The following QTMAN variants were observed in gnomAD, a reference collection of about 807,000 sequenced individuals.
QTMAN encodes queuosine-tRNA mannosyltransferase.
the QTMAN span, among the ~76,000 whole-genome samples, chr2:144,191,574 G>A: frequency 1.3e-5 from 2 of 152,068 alleles, no homozygotes; most frequent in Non-Finnish European, 2.9e-5. Context: ...AATTTTGATT[G>A]ATATTTCTTA....
the QTMAN span, among the ~76,000 whole-genome samples, chr2:144,192,745 G>T: frequency 3.2e-4 from 48 of 152,192 alleles, no homozygotes; most frequent in Non-Finnish European, 5.3e-4. Flanking sequence ...TTGCACTAAT[G>T]GATGACCAGT....
the QTMAN span, among the ~76,000 whole-genome samples, chr2:143,987,475 C>T: frequency 1.3e-5 from 2 of 152,202 alleles, no homozygotes; most frequent in Admixed American, 6.5e-5. Flanking sequence ...CTCAGTGAAG[C>T]GTTGCCTGAC....
chr2:144,312,242 T>C, the QTMAN span, among the ~76,000 whole-genome samples: 261 of 149,648 alleles, frequency 1.7e-3, 2 homozygotes, highest in Admixed American at 5.3e-3. Flanking sequence ...AGGCTGGCCA[T>C]AGACTCCTGG....
the QTMAN span, among the ~76,000 whole-genome samples, chr2:144,022,560 CTT>C: frequency 1.6e-4 from 17 of 104,248 alleles, no homozygotes; most frequent in East Asian, 9.0e-4. Context: ...CTCTCTCTCT[CTT>C]TTTTTTTTTT....
chr2:143,960,741 TAA>T, the QTMAN span, among the ~76,000 whole-genome samples: 1 of 151,828 alleles, frequency 6.6e-6, no homozygotes, highest in Non-Finnish European at 1.5e-5. Flanking sequence ...CGGTGAGGAA[TAA>T]AAAGTGTTTT....
the QTMAN span, among the ~76,000 whole-genome samples, chr2:143,957,927 G>C: frequency 1.3e-5 from 2 of 152,080 alleles, no homozygotes; most frequent in Non-Finnish European, 2.9e-5. Context: ...TGCCACGGGA[G>C]GTCTTCTGAA....
chr2:144,015,733 A>C, the QTMAN span, among the ~76,000 whole-genome samples: 1 of 152,194 alleles, frequency 6.6e-6, no homozygotes, highest in African/African-American at 2.4e-5. Context: ...CAGGTAAAGA[A>C]ATCTCTGTGA....
the QTMAN span, among the ~76,000 whole-genome samples, chr2:143,982,940 A>G: frequency 6.6e-6 from 1 of 152,032 alleles, no homozygotes; most frequent in Non-Finnish European, 1.5e-5. Flanking sequence ...GTGAGAGATC[A>G]TTTTAACAAA....
chr2:144,313,580 T>C, the QTMAN span, among the ~76,000 whole-genome samples: 2 of 152,148 alleles, frequency 1.3e-5, no homozygotes, highest in Non-Finnish European at 2.9e-5. Flanking sequence ...AAGATTAGTA[T>C]TATTCATATT....
chr2:143,996,964 T>C, the QTMAN span, among the ~76,000 whole-genome samples: 1 of 152,098 alleles, frequency 6.6e-6, no homozygotes, highest in Non-Finnish European at 1.5e-5. Flanking sequence ...TTTAATGATT[T>C]AGTTTTTCAG....
At chr2:144,229,070 A>C in the QTMAN span, among the ~76,000 whole-genome samples, 1 of 152,214 alleles carries the variant, frequency 6.6e-6, no homozygotes, top group Admixed American at 6.5e-5. Flanking sequence ...TTTGAATTTG[A>C]AAAGTGTATA....
At chr2:144,154,658 G>T in the QTMAN span, among the ~76,000 whole-genome samples, 1 of 152,130 alleles carries the variant, frequency 6.6e-6, no homozygotes, top group Non-Finnish European at 1.5e-5. Context: ...AAAAATGTGG[G>T]ATCTAGTCTG....
the QTMAN span, among the ~76,000 whole-genome samples, chr2:144,203,203 G>A: frequency 6.7e-5 from 10 of 149,576 alleles, no homozygotes; most frequent in East Asian, 1.8e-3. Flanking sequence ...ACGTGCGCAC[G>A]CACACATGTA....
chr2:143,969,510 G>A, the QTMAN span, among the ~76,000 whole-genome samples: 1 of 152,128 alleles, frequency 6.6e-6, no homozygotes, highest in Non-Finnish European at 1.5e-5. Flanking sequence ...TGTCCTCATA[G>A]CATTTACATT....
At chr2:144,042,838 C>T in the QTMAN span, among the ~76,000 whole-genome samples, 2 of 151,276 alleles carry the variant, frequency 1.3e-5, no homozygotes, top group African/African-American at 4.9e-5. Context: ...TCCACAGGTA[C>T]TAGGATTCAT....
chr2:143,991,702 C>T, the QTMAN span, among the ~76,000 whole-genome samples: 10 of 136,544 alleles, frequency 7.3e-5, no homozygotes, highest in South Asian at 4.9e-4. Flanking sequence ...GTCAGCCCGC[C>T]GCCCGGCCAG....
chr2:143,968,142 T>C, the QTMAN span, among the ~76,000 whole-genome samples: 1 of 152,122 alleles, frequency 6.6e-6, no homozygotes, highest in South Asian at 2.1e-4. Flanking sequence ...CTGTGCAAGA[T>C]GAAGTGCCAT....
the QTMAN span, chr2:144,208,590 G>A: frequency 1.9e-6 from 3 of 1,606,370 alleles, no homozygotes; most frequent in Admixed American, 5.1e-5. Context: ...AATGCATCCT[G>A]AGCTCTAATT....
At chr2:144,119,188 T>A in the QTMAN span, among the ~76,000 whole-genome samples, 6 of 152,164 alleles carry the variant, frequency 3.9e-5, no homozygotes, top group Non-Finnish European at 8.8e-5. Flanking sequence ...CAGAGTTCAT[T>A]TGTTTACATA....
Sources: allele counts gnomAD v4.1 joint callset (sites outside exome capture counted in the v4.1 genomes callset), GRCh38; gene constraint gnomAD v4.1.1; transcripts MANE v1.5; gene names NCBI Gene and HGNC (gene_info 2026-07-23, HGNC 2026-07-21).